The following TRPM7 variants were observed in gnomAD, a reference collection of about 807,000 sequenced individuals.
TRPM7 encodes LTRPC ion channel family member 7.
TRPM7 carries 134 observed loss-of-function variants against 229.7 expected under a neutral mutation model. That is an observed-to-expected ratio of 0.58 (90% CI 0.51 to 0.67). TRPM7 has a LOEUF of 0.67. Ranked by LOEUF, TRPM7 falls within the 30% of genes least tolerant of loss-of-function variation. The pLI is 0.00. For synonymous variants in TRPM7, 699 were observed against 715.2 expected (o/e 0.98, Z 0.36); for missense variants, 1,901 against 2,210.0 (o/e 0.86, Z 2.80).
At chr15:50,582,005 C>G (rs966211011) in intron 29 of TRPM7, among the ~76,000 whole-genome samples, 2 of 152,114 alleles carry the variant, frequency 1.3e-5, no homozygotes, top group Non-Finnish European at 1.5e-5. Flanking sequence ...CTCTGAAGCC[C>G]AGGCTGGAGT....
At chr15:50,637,668 C>A (rs2060948352) in intron 6 of TRPM7, 75 bp from the exon 7 acceptor site, 9 of 1,282,274 alleles carry the variant, frequency 7.0e-6, no homozygotes, top group Non-Finnish European at 8.5e-6. Flanking sequence ...TTGAAATAAT[C>A]CGTAAAGACA....
chr15:50,592,081 C>A lies in TRPM7; in HGVS notation c.4154G>T (p.Gly1385Val). 1 of 1,611,302 alleles carries A rather than the reference C, an allele frequency of 6.2e-7. No homozygotes were observed. Among genetic ancestry groups the A allele is most frequent in the Non-Finnish European group, 8.5e-7 (1 of 1,179,410 alleles). The change falls in exon 26 of 39, where the codon GGC becomes GTC. Residue 1385 changes from glycine to valine, a missense_variant. Physicochemically the swap from Gly to Val is moderately radical, Grantham distance 109. This residue lies in a region of TRPM7 where 533 missense variants were observed against 497.1 expected (regional missense o/e 1.07). Coordinates refer to ENST00000646667, the MANE Select transcript of TRPM7 (RefSeq NM_017672.6). ...ATGTGGTATGCTAGTAGATGAACTGCCTAATTTTTGATTTTTATTAAATAT... is the reference window on the plus strand; with the variant it reads ...ATGTGGTATGCTAGTAGATGAACTGACTAATTTTTGATTTTTATTAAATAT... Reference protein sequence around the residue: ...LKIFNKNQKLGSSSTSIPHLS... With the variant: ...LKIFNKNQKLVSSSTSIPHLS...
Position 50,612,754 on chromosome 15 carries a change from T to C in TRPM7, c.1846A>G (p.Lys616Glu), listed in dbSNP as rs1306365766. Residue 616 changes from lysine to glutamate, a missense_variant, in exon 16 of 39, where the codon AAG becomes GAG. Lys to Glu is a moderately conservative substitution (Grantham distance 56). Coordinates refer to ENST00000646667, the MANE Select transcript of TRPM7 (RefSeq NM_017672.6). ...EIVDIDDPET[K>E]RFPYPLNELL... ...TCATTAAGTGGATAAGGAAAGCGCT[T>C]GGTTTCTGGATCATCAATGTCTACA... 9.9e-6 allele frequency: 16 copies of C among 1,614,026 alleles called. No homozygotes were observed. The highest frequency in any genetic ancestry group is 1.3e-5 in the African/African-American group (1 of 74,930).
intron 5 of TRPM7, among the ~76,000 whole-genome samples, chr15:50,641,336 C>T (rs1405796838): frequency 2.0e-5 from 3 of 152,194 alleles, no homozygotes; most frequent in Non-Finnish European, 2.9e-5. Flanking sequence ...TCTGCTTATT[C>T]CACTCAAGCT....
intron 29 of TRPM7, among the ~76,000 whole-genome samples, chr15:50,581,264 C>G (rs1241184380): frequency 6.6e-6 from 1 of 151,878 alleles, no homozygotes; most frequent in Admixed American, 6.6e-5. Flanking sequence ...TTTGGGAGGC[C>G]GAGGTGGGTG....
At chr15:50,679,538 A>ATATATATATATATTTTTTT (rs1400383980) in intron 1 of TRPM7, among the ~76,000 whole-genome samples, 1 of 43,904 alleles carries the variant, frequency 2.3e-5, no homozygotes, top group African/African-American at 1.1e-4. Flanking sequence ...ATATATATAT[A>ATATATATATATATTTTTTT]TTTTTTTTTT....
Position 50,637,434 on chromosome 15 carries a change from T to G in TRPM7, c.820A>C (p.Arg274=). 2 of 1,613,256 alleles carry G rather than the reference T, an allele frequency of 1.2e-6. No individual in the cohort carries two copies. Among genetic ancestry groups the G allele is most frequent in the Non-Finnish European group, 1.7e-6 (2 of 1,179,704 alleles). The part of the protein sequence containing the change: ...RELEKTINQQ[R]IHARIGQGVP... ...TGAATTCACTTACTAGCATGAATTC[T>G]TTGCTGATTAATAGTTTTTTCAAGT... The change falls in exon 7 of 39, where the codon AGA becomes CGA. Residue 274 remains arginine, a synonymous_variant. Coordinates refer to ENST00000646667, the MANE Select transcript of TRPM7 (RefSeq NM_017672.6).
Position 50,569,967 on chromosome 15 carries a change from G to T in TRPM7, c.5387C>A (p.Ala1796Glu). ...KRSCDMVFGP[A>E]NLGEDAIKNF... ...TTTAATTGCATCTTCTCCTAGATTT[G>T]CTGGGCCAAAAACCATATCACAGGA... The change falls in exon 38 of 39, where the codon GCA becomes GAA. Residue 1796 changes from alanine to glutamate, a missense_variant. Physicochemically the swap from Ala to Glu is moderately radical, Grantham distance 107. This residue lies in a region of TRPM7 where 257 missense variants were observed against 352.0 expected (regional missense o/e 0.73). Transcript: ENST00000646667. 1 of 1,611,094 alleles carries T rather than the reference G, an allele frequency of 6.2e-7. No individual in the cohort carries two copies. The highest frequency in any genetic ancestry group is 1.7e-5 in the Admixed American group (1 of 59,728).
chr15:50,606,538 G>A (rs1005586527), intron 20 of TRPM7, among the ~76,000 whole-genome samples: 12 of 151,800 alleles, frequency 7.9e-5, no homozygotes, highest in African/African-American at 2.7e-4. Context: ...TCACTCTTTC[G>A]CCCAGGCTGG....
At position 50,619,900 on chromosome 15, in the gene TRPM7, G is replaced by A. The variant is rs1024608890; in HGVS notation, c.1441-102C>T. Reference sequence around the variant, plus strand: ...CTTCTTATACAAATTACATTGTTTTGGAGTTATTTCCTTAAGTTCTATTCA... The same window carrying A: ...CTTCTTATACAAATTACATTGTTTTAGAGTTATTTCCTTAAGTTCTATTCA... On this transcript the variant is annotated intron_variant, in intron 12 of 38. Coordinates refer to ENST00000646667, the MANE Select transcript of TRPM7 (RefSeq NM_017672.6). 17 of 1,005,900 alleles carry A rather than the reference G, an allele frequency of 1.7e-5. No homozygotes were observed. The African/African-American group carries it at 2.2e-4, about 13-fold the overall frequency. The allele number at this position is 1,005,900 out of a possible 1,614,324, so 62.3% of individuals were successfully genotyped here.
chr15:50,620,360 T>A (rs1277036992), intron 12 of TRPM7, among the ~76,000 whole-genome samples: 1 of 151,990 alleles, frequency 6.6e-6, no homozygotes, highest in Non-Finnish European at 1.5e-5. Context: ...GTGTATTTTA[T>A]GTGTGGCCCA....
At chr15:50,572,407 G>A (rs1364562977) in intron 36 of TRPM7, among the ~76,000 whole-genome samples, 1 of 152,218 alleles carries the variant, frequency 6.6e-6, no homozygotes, top group Non-Finnish European at 1.5e-5. Flanking sequence ...ACAACTTGAT[G>A]AAGGCTTAGA....
Position 50,581,418 on chromosome 15 carries a change from G to A in TRPM7, c.4558-510C>T, listed in dbSNP as rs184855371. Among the ~76,000 whole-genome samples, 56 of 152,026 alleles carry A rather than the reference G, an allele frequency of 3.7e-4. 1 individual carries two copies. The highest frequency in any genetic ancestry group is 1.3e-3 in the African/African-American group (54 of 41,470). ...GGAGGCTGAGGCAGGAGAATCACTT[G>A]AATCTGGGAGGTGGAGGTTGCAGTG... On this transcript the variant is annotated intron_variant, in intron 29 of 38. Coordinates refer to ENST00000646667, the MANE Select transcript of TRPM7 (RefSeq NM_017672.6).
At chr15:50,561,850 AG>A (rs1300434449) in intron 38 of TRPM7, 42 bp from the exon 39 acceptor site, 155 of 1,481,188 alleles carry the variant, frequency 1.0e-4, no homozygotes, top group Non-Finnish European at 1.4e-4. Flanking sequence ...AAAAAGAAAG[AG>A]AAAAGAAAAA....
Position 50,619,777 on chromosome 15 carries a change from T to C in TRPM7, c.1462A>G (p.Met488Val), listed in dbSNP as rs771694101. ...YNTKQGPTNP[M>V]LFHLVRDVKQ... ...ACGTCTCGAACAAGATGAAACAGCA[T>C]TGGATTAGTTGGACCTTGTTTCTTT... The change falls in exon 13 of 39, where the codon ATG becomes GTG. Residue 488 changes from methionine (M) to valine (V), a missense_variant. Physicochemically the swap from Met to Val is conservative, Grantham distance 21. Coordinates refer to ENST00000646667, the MANE Select transcript of TRPM7 (RefSeq NM_017672.6). The C allele has an allele frequency of 1.2e-6, 2 of 1,600,446 alleles. No individual in the cohort carries two copies. The highest frequency in any genetic ancestry group is 2.3e-5 in the East Asian group (1 of 44,320).
chr15:50,615,251 T>C (rs919851983), intron 13 of TRPM7, among the ~76,000 whole-genome samples: 4 of 150,436 alleles, frequency 2.7e-5, no homozygotes, highest in East Asian at 2.0e-4. Flanking sequence ...ATACAAAAAA[T>C]TGCATTTTTC....
At chr15:50,580,213 C>CT (rs35947660) in intron 30 of TRPM7, among the ~76,000 whole-genome samples, 102 of 149,626 alleles carry the variant, frequency 6.8e-4, no homozygotes, top group Non-Finnish European at 1.1e-3. Flanking sequence ...CAAAACAAGA[C>CT]TTTTTTTTTT....
At chr15:50,589,562 C>A in intron 27 of TRPM7, 30 bp downstream of exon 27, 1 of 1,376,342 alleles carries the variant, frequency 7.3e-7, no homozygotes, top group South Asian at 1.2e-5. Context: ...ATAAATAGAA[C>A]TGTGGGTGTT....
intron 36 of TRPM7, among the ~76,000 whole-genome samples, chr15:50,573,483 T>A (rs2053984989): frequency 6.6e-6 from 1 of 152,178 alleles, no homozygotes; most frequent in Non-Finnish European, 1.5e-5. Context: ...GCCATTCCAG[T>A]CTTTTGAGGT....
Sources: gnomAD v4.1 joint callset for allele counts (sites outside exome capture counted in the v4.1 genomes callset) on GRCh38, gnomAD v4.1.1 for gene constraint, gnomAD v4.1.1 regional missense constraint, MANE v1.5 for transcripts, NCBI Gene and HGNC (gene_info 2026-07-23, HGNC 2026-07-21) for gene names.